HDAC9: variants seen among roughly 807,000 people sequenced by gnomAD.
HDAC9 encodes the protein MEF-2 interacting transcription repressor (MITR) protein.
In HDAC9, 41 loss-of-function variants were observed where a neutral mutation model predicts 139.4. That is an observed-to-expected ratio of 0.29 (90% CI 0.23 to 0.38). The LOEUF (loss-of-function observed/expected upper bound fraction) is 0.38. HDAC9 is among the 10% of genes least tolerant of loss of function. The pLI is 1.00. For missense variants in HDAC9, 1,147 were observed against 1,297.0 expected (o/e 0.88, Z 1.78); for synonymous variants, 517 against 476.2 (o/e 1.09, Z -1.12).
intron 1 of HDAC9, among the ~76,000 whole-genome samples, chr7:18,407,404 A>G (rs1344459573): frequency 6.6e-6 from 1 of 152,192 alleles, no homozygotes; most frequent in Non-Finnish European, 1.5e-5. Context: ...ATTGTGTTCT[A>G]ATGTCTCAAG....
intron 12 of HDAC9, among the ~76,000 whole-genome samples, chr7:18,704,287 C>T (rs1452905342): frequency 1.3e-5 from 2 of 152,206 alleles, no homozygotes; most frequent in Non-Finnish European, 2.9e-5. Flanking sequence ...ACTTCTTCCT[C>T]CATGACTTGT....
chr7:18,178,227 G>A (rs546510742), intron 2 of HDAC9, among the ~76,000 whole-genome samples: 13 of 152,224 alleles, frequency 8.5e-5, no homozygotes, highest in Admixed American at 2.6e-4. Flanking sequence ...GGGATTACAG[G>A]CACATGCCAC....
chr7:18,806,021 A>G (rs889075094), intron 17 of HDAC9, among the ~76,000 whole-genome samples: 4 of 152,156 alleles, frequency 2.6e-5, no homozygotes, highest in African/African-American at 9.7e-5. Flanking sequence ...GGAAGCTTCA[A>G]ACAAAATGTG....
At chr7:18,330,062 T>C (rs1800797344) in intron 1 of HDAC9, among the ~76,000 whole-genome samples, 1 of 151,530 alleles carries the variant, frequency 6.6e-6, no homozygotes, top group Non-Finnish European at 1.5e-5. Flanking sequence ...CCTTGATGCT[T>C]TGGGAAAATA....
At chr7:18,293,642 T>C (rs1797961380) in intron 1 of HDAC9, among the ~76,000 whole-genome samples, 1 of 152,120 alleles carries the variant, frequency 6.6e-6, no homozygotes, top group Non-Finnish European at 1.5e-5. Context: ...TAAGAACATA[T>C]TCACAACCTG....
At position 18,815,208 on chromosome 7, in the gene HDAC9, A is replaced by ATT. The variant is rs375280657; in HGVS notation, c.2323-13944_2323-13943dup. 7.3e-5 allele frequency among the ~76,000 whole-genome samples: 11 copies of ATT among 149,692 alleles called. No individual in the cohort carries two copies. In the East Asian group the frequency reaches 2.1e-3, roughly 29 times the overall value. ...AACAAATCTTCTTCTTCCCTAATTT[A>ATT]TTTTTTTTTTGAAGTTTTGCATACT... On this transcript the variant is annotated intron_variant, in intron 17 of 25. Coordinates refer to ENST00000686413, the MANE Select transcript of HDAC9 (RefSeq NM_178425.4).
In HDAC9 at chr7:18,515,328, G is replaced by A. The variant is rs558421013; in HGVS notation, c.22+19004G>A. Reference sequence around the variant, plus strand: ...TGTGCCTCACTGAAGTATTCACTTCGTTGCCAAAAACACATCAGTCATTCA... The same window carrying A: ...TGTGCCTCACTGAAGTATTCACTTCATTGCCAAAAACACATCAGTCATTCA... On this transcript the variant is annotated intron_variant, in intron 2 of 25. Coordinates refer to ENST00000686413, the MANE Select transcript of HDAC9 (RefSeq NM_178425.4). 2.8e-4 allele frequency among the ~76,000 whole-genome samples: 43 copies of A among 152,142 alleles called. No individual in the cohort carries two copies. The South Asian group carries it at 8.3e-3, about 29-fold the overall frequency.
chr7:18,301,923 A>C (rs1798565773), intron 1 of HDAC9, among the ~76,000 whole-genome samples: 1 of 152,192 alleles, frequency 6.6e-6, no homozygotes, highest in Non-Finnish European at 1.5e-5. Flanking sequence ...ATCTTGTATA[A>C]ATCTTCAGAT....
At chr7:18,205,625 TTATTA>T (rs1425089495) in intron 2 of HDAC9, among the ~76,000 whole-genome samples, 1 of 152,110 alleles carries the variant, frequency 6.6e-6, no homozygotes, top group Non-Finnish European at 1.5e-5. Flanking sequence ...AATTGCTAAT[TTATTA>T]TATCTACAAA....
intron 22 of HDAC9, among the ~76,000 whole-genome samples, chr7:18,935,417 T>C (rs1781561771): frequency 6.6e-6 from 1 of 152,158 alleles, no homozygotes; most frequent in South Asian, 2.1e-4. Flanking sequence ...AAACTTTCTA[T>C]AATAAAGGCC....
At chr7:18,803,375 A>G (rs1231593766) in intron 17 of HDAC9, among the ~76,000 whole-genome samples, 1 of 152,050 alleles carries the variant, frequency 6.6e-6, no homozygotes, top group African/African-American at 2.4e-5. Flanking sequence ...GTTTCTCTAT[A>G]CTTGCTCGCT....
intron 2 of HDAC9, among the ~76,000 whole-genome samples, chr7:18,261,832 C>T (rs17346782): frequency 0.14 from 20,941 of 152,218 alleles, 1,779 homozygotes; most frequent in Admixed American, 0.2. Flanking sequence ...TTAAAGATTT[C>T]GTGTGTGCAT....
intron 1 of HDAC9, among the ~76,000 whole-genome samples, chr7:18,125,707 A>G (rs187820990): frequency 5.6e-4 from 85 of 152,202 alleles, no homozygotes; most frequent in African/African-American, 1.9e-3. Flanking sequence ...CTGTGTTACA[A>G]CTACTCTGCC....
chr7:18,178,695 T>G (rs552709118), intron 2 of HDAC9, among the ~76,000 whole-genome samples: 2 of 152,252 alleles, frequency 1.3e-5, no homozygotes, highest in South Asian at 4.1e-4. Flanking sequence ...TTGTTTTAAG[T>G]TAGTTTAGAA....
At chr7:18,144,402 C>T (rs191375692) in intron 1 of HDAC9, among the ~76,000 whole-genome samples, 6 of 152,274 alleles carry the variant, frequency 3.9e-5, no homozygotes, top group Admixed American at 3.3e-4. Context: ...TCCCCTTTCA[C>T]TCACCCTGTC....
chr7:18,607,951 C>G (rs140614565), intron 6 of HDAC9, among the ~76,000 whole-genome samples: 3 of 152,108 alleles, frequency 2.0e-5, no homozygotes, highest in African/African-American at 7.2e-5. Flanking sequence ...TCATTTAGAA[C>G]AGGCAGGACA....
At chr7:18,857,160 G>A (rs1432682596) in intron 21 of HDAC9, among the ~76,000 whole-genome samples, 2 of 151,686 alleles carry the variant, frequency 1.3e-5, no homozygotes, top group Admixed American at 6.6e-5. Flanking sequence ...CTTTTGTCTG[G>A]AAGTATTTAT....
At chr7:18,701,407 C>CCA (rs1783469263) in intron 12 of HDAC9, among the ~76,000 whole-genome samples, 1 of 117,662 alleles carries the variant, frequency 8.5e-6, no homozygotes, top group East Asian at 2.7e-4. Context: ...TAAAAAAAAA[C>CCA]AAAACAAACA....
At chr7:18,839,739 T>C (rs1796468757) in intron 21 of HDAC9, among the ~76,000 whole-genome samples, 1 of 152,094 alleles carries the variant, frequency 6.6e-6, no homozygotes, top group Non-Finnish European at 1.5e-5. Context: ...AATCTTTTGC[T>C]GAATGCCTGC....
Sources: allele counts gnomAD v4.1 joint callset (sites outside exome capture counted in the v4.1 genomes callset), GRCh38; gene constraint gnomAD v4.1.1; transcripts MANE v1.5; gene names NCBI Gene and HGNC (gene_info 2026-07-23, HGNC 2026-07-21).